Variants in CNTNAP2 observed in about 807,000 individuals in gnomAD.
CNTNAP2 encodes the protein contactin associated protein 2.
A neutral mutation model predicts 155.2 loss-of-function variants in CNTNAP2; 98 were observed. The ratio of observed to expected loss-of-function variants is 0.63; its 90% CI spans 0.54 to 0.75. The LOEUF (loss-of-function observed/expected upper bound fraction) is 0.75. CNTNAP2 is among the 30% of genes least tolerant of loss of function. The pLI is 0.00. For synonymous variants in CNTNAP2, 651 were observed against 631.2 expected, an observed-to-expected ratio of 1.03 and a Z score of -0.47; for missense variants, 1,727 against 1,688.1, an observed-to-expected ratio of 1.02 and a Z score of -0.40.
At chr7:146,294,337 A>C (rs998955929) in intron 1 of CNTNAP2, among the ~76,000 whole-genome samples, 6 of 152,200 alleles carry the variant, frequency 3.9e-5, no homozygotes, top group Admixed American at 6.5e-5. Context: ...AGGACTGATG[A>C]GACGAAAGGA....
chr7:146,288,249 G>A (rs193211837), intron 1 of CNTNAP2, among the ~76,000 whole-genome samples: 84 of 147,172 alleles, frequency 5.7e-4, no homozygotes, highest in African/African-American at 2.0e-3. Context: ...AGTGAGCTGT[G>A]ACTGAGCCAC....
chr7:148,038,265 C>T (rs949185683), intron 15 of CNTNAP2, among the ~76,000 whole-genome samples: 5 of 152,310 alleles, frequency 3.3e-5, no homozygotes, highest in East Asian at 3.9e-4. Flanking sequence ...TTCACTTCAA[C>T]CCCAGATGCT....
chr7:146,795,033 C>A (rs908518806), intron 2 of CNTNAP2, among the ~76,000 whole-genome samples: 40 of 152,142 alleles, frequency 2.6e-4, no homozygotes, highest in African/African-American at 8.9e-4. Context: ...GCACCCATTG[C>A]CTTTGAAGAG....
intron 11 of CNTNAP2, 82 bp downstream of exon 11, chr7:147,486,123 C>A: frequency 9.0e-7 from 1 of 1,114,910 alleles, no homozygotes; most frequent in Non-Finnish European, 1.4e-6. Context: ...GCTCAGCAAC[C>A]TGAATAATCC....
At chr7:146,941,259 T>TA (rs1797050088) in intron 3 of CNTNAP2, among the ~76,000 whole-genome samples, 1 of 152,166 alleles carries the variant, frequency 6.6e-6, no homozygotes, top group Admixed American at 6.5e-5. Context: ...ATTTTTAGTG[T>TA]ATCAAAGTTA....
Position 147,238,728 on chromosome 7 carries a change from C to T in CNTNAP2, c.1349-61413C>T, listed in dbSNP as rs114115809. ...TTCATTTAGATGTATTTCCAGTAAACGTAATTAAATTCAAGCTCTCAGATA... is the reference window on the plus strand; with the variant it reads ...TTCATTTAGATGTATTTCCAGTAAATGTAATTAAATTCAAGCTCTCAGATA... On this transcript the variant is annotated intron_variant, in intron 8 of 23. Transcript: ENST00000361727. 2.7e-3 allele frequency among the ~76,000 whole-genome samples: 412 copies of T among 152,198 alleles called. 1 individual carries two copies. Among genetic ancestry groups the T allele is most frequent in the African/African-American group, 9.3e-3 (384 of 41,510 alleles).
In CNTNAP2 at chr7:148,022,480, A is replaced by G. The variant is rs200661490; in HGVS notation, c.2383+44491A>G. ...GGAGACTCCGTCTCAAAAAAAAAAA[A>G]AAAAGAAAAGAAAAGAAAAAGAATC... is the stretch of plus-strand genomic sequence containing the variant. On this transcript the variant is annotated intron_variant, in intron 15 of 23. Coordinates refer to ENST00000361727, the MANE Select transcript of CNTNAP2 (RefSeq NM_014141.6). Among the ~76,000 whole-genome samples, 299 of 138,306 alleles carry G rather than the reference A, an allele frequency of 2.2e-3. 1 individual carries two copies. The highest frequency in any genetic ancestry group is 3.6e-3 in the East Asian group (17 of 4,746). 90.7% of individuals were successfully genotyped at this position (138,306 alleles called of 152,430 possible). A position where few individuals can be genotyped will look rare whatever the true frequency, so the allele number is the denominator to read the frequency against.
chr7:148,383,026 A>C (rs1294301901), intron 21 of CNTNAP2, among the ~76,000 whole-genome samples: 1 of 152,166 alleles, frequency 6.6e-6, no homozygotes, highest in African/African-American at 2.4e-5. Flanking sequence ...GGTGAGATTC[A>C]CCAAGGCATG....
At chr7:148,131,511 A>G (rs1197283124) in intron 16 of CNTNAP2, among the ~76,000 whole-genome samples, 1 of 152,218 alleles carries the variant, frequency 6.6e-6, no homozygotes, top group Non-Finnish European at 1.5e-5. Context: ...GCCTATGACC[A>G]TCTGTAAGAC....
intron 1 of CNTNAP2, among the ~76,000 whole-genome samples, chr7:146,523,700 A>T (rs1797648240): frequency 6.6e-6 from 1 of 152,144 alleles, no homozygotes; most frequent in Non-Finnish European, 1.5e-5. Flanking sequence ...TTTTGACCTA[A>T]ATGGTGAATG....
chr7:147,128,131 C>T (rs1234295954), intron 6 of CNTNAP2, among the ~76,000 whole-genome samples: 1 of 152,100 alleles, frequency 6.6e-6, no homozygotes, highest in East Asian at 1.9e-4. Context: ...CCTAAGTGGT[C>T]CCTAATCAAT....
At chr7:147,304,318 AG>A (rs1168348328) in intron 9 of CNTNAP2, among the ~76,000 whole-genome samples, 2 of 152,194 alleles carry the variant, frequency 1.3e-5, no homozygotes, top group Non-Finnish European at 1.5e-5. Flanking sequence ...TCCTCCAACT[AG>A]AATTTTTTTA....
At chr7:147,298,386 T>G (rs903065857) in intron 8 of CNTNAP2, among the ~76,000 whole-genome samples, 1 of 151,870 alleles carries the variant, frequency 6.6e-6, no homozygotes, top group Non-Finnish European at 1.5e-5. Context: ...ATCCCGTCAT[T>G]GCACTCCAGC....
chr7:147,810,205 TA>T (rs1461643925), intron 13 of CNTNAP2, among the ~76,000 whole-genome samples: 1 of 150,714 alleles, frequency 6.6e-6, no homozygotes, highest in African/African-American at 2.4e-5. Context: ...ATATAATTGA[TA>T]TATATCATAT....
At chr7:146,232,603 G>A (rs994390743) in intron 1 of CNTNAP2, among the ~76,000 whole-genome samples, 1 of 152,102 alleles carries the variant, frequency 6.6e-6, no homozygotes, top group Non-Finnish European at 1.5e-5. Context: ...CACTTCTCCT[G>A]TTGGGACATT....
chr7:147,552,023 G>A (rs1584807868), intron 11 of CNTNAP2, among the ~76,000 whole-genome samples: 1 of 152,182 alleles, frequency 6.6e-6, no homozygotes, highest in East Asian at 1.9e-4. Context: ...ATTTTTATGA[G>A]AAAATTTATA....
chr7:147,265,021 G>A (rs1804575459), intron 8 of CNTNAP2, among the ~76,000 whole-genome samples: 1 of 151,906 alleles, frequency 6.6e-6, no homozygotes, highest in Non-Finnish European at 1.5e-5. Context: ...TGTAGAAAGG[G>A]CTCCATCTCT....
At chr7:146,383,311 T>C (rs1795416525) in intron 1 of CNTNAP2, among the ~76,000 whole-genome samples, 2 of 152,134 alleles carry the variant, frequency 1.3e-5, no homozygotes, top group South Asian at 4.1e-4. Context: ...TGGATTTGAA[T>C]ATCTATTTAA....
chr7:147,186,506 G>A (rs749260266), intron 8 of CNTNAP2, among the ~76,000 whole-genome samples: 16 of 152,090 alleles, frequency 1.1e-4, no homozygotes, highest in Admixed American at 2.6e-4. Flanking sequence ...GGTCTGTACC[G>A]TAGCCCCTTC....
Sources: allele counts gnomAD v4.1 joint callset (sites outside exome capture counted in the v4.1 genomes callset), GRCh38; gene constraint gnomAD v4.1.1; transcripts MANE v1.5; gene names NCBI Gene and HGNC (gene_info 2026-07-23, HGNC 2026-07-21).